GPC5: variants seen among roughly 807,000 people sequenced by gnomAD.
GPC5 encodes the protein glypican 5, also known as glypican-5.
Under a neutral mutation model 53.9 loss-of-function variants are expected in GPC5, and 47 were observed. That is an observed-to-expected ratio of 0.87 (90% CI 0.69 to 1.11). GPC5 has a LOEUF of 1.11. Among genes scored for constraint, GPC5 ranks in the 50% most tolerant of loss-of-function variants. GPC5 has a pLI of 0.00. For missense variants in GPC5, 748 were observed against 713.1 expected (o/e 1.05, Z -0.56); for synonymous variants, 286 against 263.3 (o/e 1.09, Z -0.84).
chr13:91,479,551 T>C (rs1280255827), intron 2 of GPC5, among the ~76,000 whole-genome samples: 1 of 152,118 alleles, frequency 6.6e-6, no homozygotes, highest in Non-Finnish European at 1.5e-5. Flanking sequence ...AGCTTAGAAA[T>C]TCCCCAAGAA....
chr13:92,122,996 A>G (rs185833311), intron 6 of GPC5, among the ~76,000 whole-genome samples: 2 of 152,256 alleles, frequency 1.3e-5, no homozygotes, highest in African/African-American at 4.8e-5. Context: ...GAAAATAACT[A>G]TTCTTTGATA....
At chr13:92,504,100 T>G (rs1359435697) in intron 7 of GPC5, among the ~76,000 whole-genome samples, 3 of 151,982 alleles carry the variant, frequency 2.0e-5, no homozygotes, top group Admixed American at 6.6e-5. Context: ...TTTACTCACG[T>G]AAGATATATT....
intron 7 of GPC5, among the ~76,000 whole-genome samples, chr13:92,569,478 G>T (rs1289795628): frequency 6.6e-6 from 1 of 152,000 alleles, no homozygotes; most frequent in Non-Finnish European, 1.5e-5. Context: ...AACATAAAAT[G>T]GTTCTTGAAA....
intron 7 of GPC5, among the ~76,000 whole-genome samples, chr13:92,783,288 A>G (rs913465142): frequency 3.9e-5 from 6 of 152,138 alleles, no homozygotes; most frequent in Non-Finnish European, 8.8e-5. Context: ...ATCACACCAT[A>G]TTATTCATCA....
intron 3 of GPC5, among the ~76,000 whole-genome samples, chr13:91,726,746 G>A (rs980838936): frequency 6.6e-6 from 1 of 152,046 alleles, no homozygotes; most frequent in African/African-American, 2.4e-5. Context: ...CCATTTTACT[G>A]CTTCTCTGCC....
chr13:92,857,783 C>T (rs2138851947), intron 7 of GPC5, among the ~76,000 whole-genome samples: 1 of 152,200 alleles, frequency 6.6e-6, no homozygotes. Context: ...GCATCTCACA[C>T]CAGTCAGAAT....
intron 7 of GPC5, among the ~76,000 whole-genome samples, chr13:92,777,280 G>A (rs1875846312): frequency 6.8e-6 from 1 of 148,040 alleles, no homozygotes; most frequent in Non-Finnish European, 1.5e-5. Flanking sequence ...AGGTTGCAGT[G>A]AGCCGAGATT....
intron 6 of GPC5, among the ~76,000 whole-genome samples, chr13:92,005,922 C>G (rs934628406): frequency 8.5e-5 from 13 of 152,124 alleles, no homozygotes; most frequent in African/African-American, 3.1e-4. Context: ...TATCCTCAAG[C>G]TAGGAGCACT....
chr13:92,629,033 G>A (rs544901146), intron 7 of GPC5, among the ~76,000 whole-genome samples: 5 of 152,188 alleles, frequency 3.3e-5, no homozygotes, highest in East Asian at 3.9e-4. Context: ...ATACACCTAC[G>A]CCTATCTTGT....
intron 2 of GPC5, among the ~76,000 whole-genome samples, chr13:91,691,877 C>A (rs2035765044): frequency 6.6e-6 from 1 of 152,042 alleles, no homozygotes; most frequent in African/African-American, 2.4e-5. Flanking sequence ...TCTTTTACAA[C>A]CTAATTAAAA....
chr13:92,097,128 T>A (rs1594761471), intron 6 of GPC5, among the ~76,000 whole-genome samples: 2 of 152,308 alleles, frequency 1.3e-5, no homozygotes, highest in Admixed American at 1.3e-4. Context: ...AGAAACATTT[T>A]ATGGGAAACT....
chr13:91,773,008 T>G, intron 5 of GPC5, among the ~76,000 whole-genome samples: 1 of 152,210 alleles, frequency 6.6e-6, no homozygotes, highest in South Asian at 2.1e-4. Context: ...ATGATATGAC[T>G]AATCTTACTG....
chr13:92,597,170 A>T (rs775782242), intron 7 of GPC5, among the ~76,000 whole-genome samples: 1 of 152,212 alleles, frequency 6.6e-6, no homozygotes. Flanking sequence ...GCTTTCAGGA[A>T]TTTGGCATCT....
At chr13:92,300,114 G>A (rs375409673) in intron 7 of GPC5, among the ~76,000 whole-genome samples, 9 of 152,124 alleles carry the variant, frequency 5.9e-5, no homozygotes, top group South Asian at 2.1e-4. Flanking sequence ...ATTCTCTTCC[G>A]AACACAGGTT....
chr13:91,656,572 A>C (rs1316499444), intron 2 of GPC5, among the ~76,000 whole-genome samples: 1 of 152,194 alleles, frequency 6.6e-6, no homozygotes, highest in Non-Finnish European at 1.5e-5. Context: ...AATTTTTTAA[A>C]AAACAACAAA....
In GPC5 at chr13:92,144,957, G is replaced by A. The variant is rs868574650; in HGVS notation, c.1529G>A (p.Gly510Glu). The A allele has an allele frequency of 1.3e-6, 2 of 1,565,008 alleles. No individual in the cohort carries two copies. The highest frequency in any genetic ancestry group is 1.7e-6 in the Non-Finnish European group (2 of 1,159,810). ...GATGGTTGCGGGGGATCAGGAAGTG[G>A]AGAAGTCAAGAGGACACTGAAGATC... ...DEDGCGGSGSGEVKRTLKITD... is the reference protein window; with the variant it reads ...DEDGCGGSGSEEVKRTLKITD... Residue 510 changes from glycine (G) to glutamate (E), a missense_variant, in exon 7 of 8, where the codon GGA becomes GAA. Coordinates refer to ENST00000377067, the MANE Select transcript of GPC5 (RefSeq NM_004466.6).
chr13:92,820,049 C>A (rs1203983503), intron 7 of GPC5, among the ~76,000 whole-genome samples: 2 of 152,194 alleles, frequency 1.3e-5, no homozygotes, highest in South Asian at 2.1e-4. Flanking sequence ...CACTAATACC[C>A]GATTACTGTC....
chr13:91,657,007 T>C (rs16946426), intron 2 of GPC5, among the ~76,000 whole-genome samples: 38,405 of 152,066 alleles, frequency 0.25, 6,735 homozygotes, highest in African/African-American at 0.49. Flanking sequence ...TACTTCTTAT[T>C]GGCAGTGGGA....
intron 7 of GPC5, among the ~76,000 whole-genome samples, chr13:92,723,875 AG>A (rs1888568345): frequency 6.6e-6 from 1 of 151,704 alleles, no homozygotes. Context: ...ATAGTATGAT[AG>A]AAAAACAATA....
Sources: allele counts gnomAD v4.1 joint callset (sites outside exome capture counted in the v4.1 genomes callset), GRCh38; gene constraint gnomAD v4.1.1; transcripts MANE v1.5; gene names NCBI Gene and HGNC (gene_info 2026-07-23, HGNC 2026-07-21).